Variants in SKAP2 observed in about 807,000 individuals in gnomAD.
The protein encoded by SKAP2 is src kinase associated phosphoprotein 2.
SKAP2 carries 28 observed loss-of-function variants against 54.9 expected under a neutral mutation model. The ratio of observed to expected loss-of-function variants is 0.51; its 90% CI spans 0.38 to 0.70. SKAP2 has a LOEUF of 0.70. Among genes scored for constraint, SKAP2 ranks in the 30% least tolerant of loss-of-function variants. The probability of loss-of-function intolerance (pLI) is 0.00; values close to 1 mark genes in which losing one functional copy is unlikely to be tolerated. For missense variants in SKAP2, 356 were observed against 424.1 expected, an observed-to-expected ratio of 0.84 and a Z score of 1.41; for synonymous variants, 137 against 134.3, an observed-to-expected ratio of 1.02 and a Z score of -0.14.
intron 4 of SKAP2, among the ~76,000 whole-genome samples, chr7:26,840,913 A>G (rs1294308238): frequency 6.6e-6 from 1 of 152,076 alleles, no homozygotes; most frequent in Non-Finnish European, 1.5e-5. Context: ...GTTCTTCTCA[A>G]AAAATATAAA....
rs942835485 is a variant in SKAP2 at position 26,725,346 on chromosome 7, TCACACACACAAA to T, written c.796+70_796+81del. On this transcript the variant is annotated intron_variant, in intron 9 of 12. Transcript: ENST00000345317. ...TTCTACTCAAGCTGTCGAGGACAAA[TCACACACACAAA>T]CACACACACACACTCACACACACAC... The T allele has an allele frequency of 1.1e-5, 11 of 1,011,726 alleles. No individual in the cohort carries two copies. In the African/African-American group the frequency reaches 1.3e-4, roughly 12 times the overall value. 62.7% of individuals were successfully genotyped at this position (1,011,726 alleles called of 1,614,324 possible).
chr7:26,764,568 CTCT>C (rs1014881672), intron 4 of SKAP2, among the ~76,000 whole-genome samples: 9 of 151,616 alleles, frequency 5.9e-5, no homozygotes, highest in Admixed American at 2.0e-4. Flanking sequence ...TTTTCATAAT[CTCT>C]TCTTTTTTTC....
At chr7:26,758,398 C>A (rs962172779) in intron 4 of SKAP2, among the ~76,000 whole-genome samples, 2 of 151,990 alleles carry the variant, frequency 1.3e-5, no homozygotes, top group African/African-American at 4.8e-5. Flanking sequence ...TTAATCAATA[C>A]AAGTATAGTT....
At chr7:26,674,166 T>A (rs1339677622) in intron 11 of SKAP2, among the ~76,000 whole-genome samples, 1 of 152,052 alleles carries the variant, frequency 6.6e-6, no homozygotes, top group African/African-American at 2.4e-5. Context: ...TTAAAAAAAA[T>A]TTGTGTCCTT....
chr7:26,757,823 G>A (rs1430386901), intron 4 of SKAP2, among the ~76,000 whole-genome samples: 8 of 152,132 alleles, frequency 5.3e-5, no homozygotes, highest in Non-Finnish European at 1.2e-4. Context: ...GTGCAGTGGT[G>A]CAATCTTGGC....
intron 4 of SKAP2, among the ~76,000 whole-genome samples, chr7:26,814,213 T>A (rs935436148): frequency 6.6e-6 from 1 of 152,196 alleles, no homozygotes; most frequent in Non-Finnish European, 1.5e-5. Context: ...CTTAGCTCAT[T>A]ATTAAAATTT....
At chr7:26,762,545 T>C (rs991245595) in intron 4 of SKAP2, among the ~76,000 whole-genome samples, 3 of 151,734 alleles carry the variant, frequency 2.0e-5, no homozygotes, top group African/African-American at 4.8e-5. Flanking sequence ...TAAAAAAAAA[T>C]AGTGATGCCC....
intron 9 of SKAP2, among the ~76,000 whole-genome samples, chr7:26,707,422 G>A (rs2299101): frequency 0.46 from 69,403 of 151,668 alleles, 16,788 homozygotes; most frequent in East Asian, 0.58. Flanking sequence ...TAGGAGACAG[G>A]ATATTAGACA....
At chr7:26,775,559 G>A (rs190618391) in intron 4 of SKAP2, among the ~76,000 whole-genome samples, 1 of 148,010 alleles carries the variant, frequency 6.8e-6, no homozygotes, top group African/African-American at 2.5e-5. Flanking sequence ...GTGTGTGTGT[G>A]TGTGTGTGTG....
At chr7:26,817,305 C>T (rs1327915916) in intron 4 of SKAP2, among the ~76,000 whole-genome samples, 1 of 151,974 alleles carries the variant, frequency 6.6e-6, no homozygotes, top group African/African-American at 2.4e-5. Flanking sequence ...TGAAATACAT[C>T]TTTAGATGAA....
At chr7:26,721,857 C>G (rs1487615391) in intron 9 of SKAP2, among the ~76,000 whole-genome samples, 4 of 152,126 alleles carry the variant, frequency 2.6e-5, no homozygotes, top group African/African-American at 9.7e-5. Context: ...AGCAATTTCA[C>G]GAGTATTATT....
chr7:26,742,005 T>C (rs1000536875), intron 4 of SKAP2, among the ~76,000 whole-genome samples: 9 of 152,186 alleles, frequency 5.9e-5, no homozygotes, highest in Non-Finnish European at 1.2e-4. Context: ...GAAATGTATA[T>C]GAAATTTTAG....
intron 4 of SKAP2, among the ~76,000 whole-genome samples, chr7:26,839,824 C>T (rs1041718367): frequency 7.2e-5 from 11 of 151,892 alleles, no homozygotes; most frequent in Admixed American, 1.3e-4. Flanking sequence ...GTTGTGCACA[C>T]GGACAGGTTT....
At chr7:26,671,730 G>A (rs1334209059) in intron 11 of SKAP2, among the ~76,000 whole-genome samples, 1 of 151,942 alleles carries the variant, frequency 6.6e-6, no homozygotes, top group Non-Finnish European at 1.5e-5. Flanking sequence ...TGAACTTAGT[G>A]GACGAAGCTG....
At chr7:26,726,095 G>T in intron 7 of SKAP2, 109 bp from the exon 8 acceptor site, 1 of 680,222 alleles carries the variant, frequency 1.5e-6, no homozygotes, top group South Asian at 2.0e-5. Context: ...CATGTCTAGT[G>T]GAACTTTTCT....
intron 4 of SKAP2, among the ~76,000 whole-genome samples, chr7:26,769,727 C>T (rs530128049): frequency 6.4e-4 from 97 of 152,220 alleles, no homozygotes; most frequent in African/African-American, 2.2e-3. Flanking sequence ...GCAGGTCTGC[C>T]GGAGTTTGCT....
At chr7:26,728,060 T>C (rs961115058) in intron 6 of SKAP2, among the ~76,000 whole-genome samples, 2 of 152,116 alleles carry the variant, frequency 1.3e-5, no homozygotes, top group Non-Finnish European at 2.9e-5. Flanking sequence ...ATAGAGATTA[T>C]ATCTTGTTCA....
intron 9 of SKAP2, among the ~76,000 whole-genome samples, chr7:26,712,854 A>C (rs1210266785): frequency 6.6e-6 from 1 of 152,212 alleles, no homozygotes; most frequent in Admixed American, 6.5e-5. Context: ...GAAGGTATAA[A>C]GTTGTCCAGG....
intron 10 of SKAP2, among the ~76,000 whole-genome samples, chr7:26,685,932 A>G (rs564827603): frequency 6.6e-6 from 1 of 152,290 alleles, no homozygotes; most frequent in South Asian, 2.1e-4. Context: ...CTGGAATGTC[A>G]TCTTTGAATT....
Sources: gnomAD v4.1 joint callset for allele counts (sites outside exome capture counted in the v4.1 genomes callset) on GRCh38, gnomAD v4.1.1 for gene constraint, MANE v1.5 for transcripts, NCBI Gene and HGNC (gene_info 2026-07-23, HGNC 2026-07-21) for gene names.